The following TEX9 variants were observed in gnomAD, a reference collection of about 807,000 sequenced individuals.
TEX9 encodes the protein testis-expressed protein 9.
Under a neutral mutation model 59.6 loss-of-function variants are expected in TEX9, and 74 were observed. The ratio of observed to expected loss-of-function variants is 1.24; its 90% confidence interval spans 1.03 to 1.51. The LOEUF (loss-of-function observed/expected upper bound fraction) is 1.51. TEX9 is among the 40% of genes most tolerant of loss of function. The pLI is 0.00. For missense variants in TEX9, 522 were observed against 447.8 expected, an observed-to-expected ratio of 1.17 and a Z score of -1.49; for synonymous variants, 186 against 152.2, an observed-to-expected ratio of 1.22 and a Z score of -1.64.
At chr15:56,427,566 T>C in intron 10 of TEX9, 39 bp from the exon 11 acceptor site, 1 of 1,358,568 alleles carries the variant, frequency 7.4e-7, no homozygotes, top group Non-Finnish European at 9.9e-7. Context: ...ATTGAGGCTG[T>C]ATATTAAAAA....
chr15:56,296,406 C>T (rs1022618499), intron 1 of TEX9, among the ~76,000 whole-genome samples: 2 of 151,420 alleles, frequency 1.3e-5, no homozygotes, highest in African/African-American at 2.5e-5. Context: ...AAGATGAAGA[C>T]ATTGTGTTTC....
intron 1 of TEX9, among the ~76,000 whole-genome samples, chr15:56,298,383 A>G (rs1296374990): frequency 6.6e-6 from 1 of 152,198 alleles, no homozygotes; most frequent in East Asian, 1.9e-4. Flanking sequence ...TTAGTTAGAA[A>G]TCTAAATTGT....
intron 2 of TEX9, among the ~76,000 whole-genome samples, chr15:56,366,673 G>A (rs1164450545): frequency 1.3e-5 from 2 of 152,150 alleles, no homozygotes; most frequent in African/African-American, 2.4e-5. Context: ...ATAAAAAAGT[G>A]CCTTTTAACA....
chr15:56,418,603 A>G (rs1272752490), intron 10 of TEX9, among the ~76,000 whole-genome samples: 3 of 151,482 alleles, frequency 2.0e-5, no homozygotes, highest in Non-Finnish European at 2.9e-5. Flanking sequence ...GTGAGCCAAG[A>G]TTGCACCACT....
chr15:56,252,379 CTTTTT>C (rs3050136), intron 1 of TEX9, among the ~76,000 whole-genome samples: 31 of 119,708 alleles, frequency 2.6e-4, no homozygotes, highest in African/African-American at 8.9e-4. Flanking sequence ...TTAGAAAAAC[CTTTTT>C]TTTTTTTTTT....
At chr15:56,444,744 A>G in intron 12 of TEX9, 1 of 1,207,656 alleles carries the variant, frequency 8.3e-7, no homozygotes, top group South Asian at 1.4e-5. Flanking sequence ...TTTTACACCA[A>G]TGTTATTGAA....
intron 1 of TEX9, among the ~76,000 whole-genome samples, chr15:56,309,372 G>A (rs2045551456): frequency 6.6e-6 from 1 of 152,076 alleles, no homozygotes; most frequent in Admixed American, 6.6e-5. Context: ...ATTTTCAGAT[G>A]TTTACCTGAC....
intron 12 of TEX9, among the ~76,000 whole-genome samples, chr15:56,433,268 GGA>G (rs1491562886): frequency 3.5e-5 from 5 of 143,218 alleles, no homozygotes; most frequent in Middle Eastern, 3.3e-3. Flanking sequence ...GGGGTGGGGG[GGA>G]CAAGGGGAAG....
At chr15:56,355,156 G>A (rs1025248933) in intron 1 of TEX9, among the ~76,000 whole-genome samples, 7 of 152,016 alleles carry the variant, frequency 4.6e-5, no homozygotes, top group Middle Eastern at 3.4e-3. Flanking sequence ...TCTAGTTTTC[G>A]TCAGTATAGT....
chr15:56,446,518 A>G (rs1308906329), downstream of TEX9, among the ~76,000 whole-genome samples: 2 of 152,078 alleles, frequency 1.3e-5, no homozygotes, highest in African/African-American at 2.4e-5. Context: ...TAAAAATTTC[A>G]TAACATTCTA....
At chr15:56,316,204 T>G (rs2045757322) in intron 1 of TEX9, among the ~76,000 whole-genome samples, 1 of 149,362 alleles carries the variant, frequency 6.7e-6, no homozygotes, top group South Asian at 2.2e-4. Context: ...GGAACTGCGT[T>G]CCTTTGGAGG....
upstream of TEX9, among the ~76,000 whole-genome samples, chr15:56,362,837 A>G (rs1230592212): frequency 6.6e-6 from 1 of 152,226 alleles, no homozygotes; most frequent in Non-Finnish European, 1.5e-5. Context: ...TTGTGAAAGA[A>G]ATTAGATAAT....
chr15:56,434,420 T>C (rs372351973), intron 12 of TEX9: 2 of 1,588,048 alleles, frequency 1.3e-6, no homozygotes, highest in Non-Finnish European at 1.7e-6. Context: ...TGAAAGTTAA[T>C]TTAGTAACTA....
chr15:56,323,298 A>T (rs1407429406), intron 1 of TEX9: 3 of 213,778 alleles, frequency 1.4e-5, no homozygotes, highest in Non-Finnish European at 3.0e-5. Context: ...ATTTGAAGAT[A>T]TGGCAAAGGT....
At chr15:56,260,592 A>G (rs2044242836) in intron 1 of TEX9, among the ~76,000 whole-genome samples, 1 of 152,028 alleles carries the variant, frequency 6.6e-6, no homozygotes, top group South Asian at 2.1e-4. Flanking sequence ...CCTAGAATAA[A>G]CCAAATTGGT....
At chr15:56,318,953 A>C (rs1460230547) in intron 1 of TEX9, among the ~76,000 whole-genome samples, 1 of 152,056 alleles carries the variant, frequency 6.6e-6, no homozygotes, top group Non-Finnish European at 1.5e-5. Flanking sequence ...CGCTATTACA[A>C]CCCTGTACAT....
chr15:56,384,065 A>G, intron 4 of TEX9, 34 bp downstream of exon 4: 15 of 1,518,306 alleles, frequency 9.9e-6, no homozygotes, highest in Non-Finnish European at 1.4e-5. Context: ...ACCTTCTTTT[A>G]AAAGGATGTA....
upstream of TEX9, among the ~76,000 whole-genome samples, chr15:56,364,469 T>C (rs1175560065): frequency 6.7e-6 from 1 of 149,952 alleles, no homozygotes; most frequent in African/African-American, 2.4e-5. Context: ...TTCTTTTCTT[T>C]TTTTTTTTTT....
At chr15:56,383,926 A>G (rs752587582) in intron 3 of TEX9, 26 bp from the exon 4 acceptor site, 5 of 1,564,748 alleles carry the variant, frequency 3.2e-6, no homozygotes, top group Non-Finnish European at 4.4e-6. Flanking sequence ...TCTATATGAT[A>G]TATTACCTAT....
Sources: gnomAD v4.1 joint callset for allele counts (sites outside exome capture counted in the v4.1 genomes callset) on GRCh38, gnomAD v4.1.1 for gene constraint, MANE v1.5 for transcripts, NCBI Gene and HGNC (gene_info 2026-07-23, HGNC 2026-07-21) for gene names.